LRBA: variants seen among roughly 807,000 people sequenced by gnomAD.
The protein encoded by LRBA is LPS responsive beige-like anchor protein.
A neutral mutation model predicts 330.0 loss-of-function variants in LRBA; 176 were observed. That is an observed-to-expected ratio of 0.53 (90% CI 0.47 to 0.60). LRBA has a LOEUF of 0.60. Among genes scored for constraint, LRBA ranks in the 20% least tolerant of loss-of-function variants. The pLI is 0.00. For missense variants in LRBA, 3,259 were observed against 3,444.8 expected (o/e 0.95, Z 1.35); for synonymous variants, 1,230 against 1,193.0 (o/e 1.03, Z -0.64).
At chr4:150,926,653 A>G (rs552725270) in intron 4 of LRBA, among the ~76,000 whole-genome samples, 1 of 152,354 alleles carries the variant, frequency 6.6e-6, no homozygotes, top group Non-Finnish European at 1.5e-5. Flanking sequence ...ACTGACCTAG[A>G]AAATGACATT....
intron 47 of LRBA, among the ~76,000 whole-genome samples, chr4:150,379,045 G>A (rs947472514): frequency 6.6e-6 from 1 of 152,052 alleles, no homozygotes; most frequent in Admixed American, 6.6e-5. Context: ...CATGCCGCCT[G>A]TAATACCAGC....
At chr4:150,785,715 A>G (rs1738955103) in intron 34 of LRBA, among the ~76,000 whole-genome samples, 1 of 152,082 alleles carries the variant, frequency 6.6e-6, no homozygotes, top group African/African-American at 2.4e-5. Context: ...ACTTGACCAG[A>G]AAAAAAAGGT....
intron 47 of LRBA, among the ~76,000 whole-genome samples, chr4:150,354,932 A>ATG (rs932478942): frequency 6.5e-4 from 98 of 151,440 alleles, no homozygotes; most frequent in East Asian, 2.3e-3. Context: ...TAATTACAAT[A>ATG]TGTGTGTGTG....
At chr4:150,642,020 T>C (rs1345733008) in intron 37 of LRBA, among the ~76,000 whole-genome samples, 1 of 152,078 alleles carries the variant, frequency 6.6e-6, no homozygotes, top group East Asian at 1.9e-4. Flanking sequence ...CTGAGTCAAA[T>C]TTAATTTACA....
At chr4:150,603,176 G>A (rs1774293277) in intron 37 of LRBA, among the ~76,000 whole-genome samples, 1 of 152,144 alleles carries the variant, frequency 6.6e-6, no homozygotes, top group Non-Finnish European at 1.5e-5. Context: ...CTCCTCTTAG[G>A]ACACAATCTC....
At chr4:150,898,522 C>A (rs907119440) in intron 14 of LRBA, among the ~76,000 whole-genome samples, 1 of 151,918 alleles carries the variant, frequency 6.6e-6, no homozygotes, top group African/African-American at 2.4e-5. Flanking sequence ...ATAATTTTTC[C>A]ACCACTAATC....
Position 150,265,782 on chromosome 4 carries a change from G to A in LRBA, c.8499C>T (p.Ser2833=). The A allele has an allele frequency of 1.2e-6, 2 of 1,613,304 alleles. No homozygotes were observed. Among genetic ancestry groups the A allele is most frequent in the South Asian group, 2.2e-5 (2 of 91,052 alleles). The change falls in exon 57 of 57, where the codon AGC becomes AGT. Residue 2833 remains serine (S), a synonymous_variant. Transcript: ENST00000651943. The part of the protein sequence containing the change: ...RCIISGMASG[S]IVLFYNDFNR... ...TAAAGTCGTTGTAAAATAGCACAAT[G>A]CTTCCTGAAGCCATGCCAGAAATGA... is the stretch of plus-strand genomic sequence containing the variant.
intron 37 of LRBA, among the ~76,000 whole-genome samples, chr4:150,621,128 T>C (rs1299539098): frequency 1.3e-5 from 2 of 150,896 alleles, no homozygotes; most frequent in Non-Finnish European, 3.0e-5. Flanking sequence ...GGATAAAGAG[T>C]GCAAAAGATT....
Position 150,900,031 on chromosome 4 carries a change from CA to C in LRBA, c.1924+17del. ...ATTTGCATTTGTGTAAAGTAATATA[CA>C]GACAGAAATTATATACCTAATCCTT... is the stretch of plus-strand genomic sequence containing the variant. On this transcript the variant is annotated intron_variant, in intron 14 of 56. Coordinates refer to ENST00000651943, the MANE Select transcript of LRBA (RefSeq NM_001364905.1). 2 of 1,584,980 alleles carry C rather than the reference CA, an allele frequency of 1.3e-6. No individual in the cohort carries two copies. Among genetic ancestry groups the C allele is most frequent in the Non-Finnish European group, 1.7e-6 (2 of 1,158,876 alleles).
intron 40 of LRBA, among the ~76,000 whole-genome samples, chr4:150,526,829 T>C (rs1008035179): frequency 2.0e-5 from 3 of 152,098 alleles, no homozygotes; most frequent in Non-Finnish European, 2.9e-5. Flanking sequence ...CATTATCATG[T>C]ATAACAAAAT....
chr4:150,959,923 T>C (rs1737953349), intron 2 of LRBA, among the ~76,000 whole-genome samples: 1 of 146,270 alleles, frequency 6.8e-6, no homozygotes, highest in Non-Finnish European at 1.5e-5. Flanking sequence ...ATACATACTT[T>C]TTTTTTTTTT....
At chr4:150,579,771 G>A (rs1286915497) in intron 40 of LRBA, 1 of 454,454 alleles carries the variant, frequency 2.2e-6, no homozygotes, top group Non-Finnish European at 4.4e-6. Context: ...CGCGGCGGCG[G>A]AGCCATGCGA....
intron 40 of LRBA, among the ~76,000 whole-genome samples, chr4:150,573,586 C>G (rs1770149350): frequency 6.6e-6 from 1 of 152,144 alleles, no homozygotes; most frequent in Non-Finnish European, 1.5e-5. Context: ...AATATGCTAT[C>G]TTTTCTTGCC....
intron 40 of LRBA, among the ~76,000 whole-genome samples, chr4:150,550,873 T>C (rs1766498867): frequency 6.6e-6 from 1 of 152,238 alleles, no homozygotes; most frequent in Admixed American, 6.5e-5. Context: ...ATTACTCAAA[T>C]TTTGTATAAC....
rs550819676 is a variant in LRBA at position 150,991,854 on chromosome 4, T to C, written c.216+22573A>G. Among the ~76,000 whole-genome samples, 32 of 152,328 alleles carry C rather than the reference T, an allele frequency of 2.1e-4. No homozygotes were observed. In the South Asian group the frequency reaches 6.0e-3, roughly 29 times the overall value. ...AGATGACAAAGATGTAATCTCTGCC[T>C]TCAAGCTCATGATCTAATGAGAGAA... On this transcript the variant is annotated intron_variant, in intron 2 of 56. Transcript: ENST00000651943.
intron 37 of LRBA, chr4:150,679,489 T>A (rs1434381053): frequency 6.6e-6 from 1 of 152,226 alleles, no homozygotes; most frequent in Non-Finnish European, 1.5e-5. Flanking sequence ...GCATTGATTT[T>A]TTTTTATAAC....
chr4:150,705,610 T>C (rs1469578172), intron 36 of LRBA, among the ~76,000 whole-genome samples: 1 of 151,950 alleles, frequency 6.6e-6, no homozygotes, highest in East Asian at 1.9e-4. Flanking sequence ...CATTAGCAGA[T>C]ACAATCTGGC....
At chr4:151,010,665 T>A (rs1479772472) in intron 2 of LRBA, among the ~76,000 whole-genome samples, 1 of 151,682 alleles carries the variant, frequency 6.6e-6, no homozygotes, top group Non-Finnish European at 1.5e-5. Context: ...GCAGATCACC[T>A]GAGGTCGGGA....
chr4:150,743,055 C>A (rs1732231810), intron 35 of LRBA, among the ~76,000 whole-genome samples: 1 of 152,180 alleles, frequency 6.6e-6, no homozygotes, highest in African/African-American at 2.4e-5. Flanking sequence ...GCAACCTCCG[C>A]TCCCTGGGTA....
Sources: gnomAD v4.1 joint callset for allele counts (sites outside exome capture counted in the v4.1 genomes callset) on GRCh38, gnomAD v4.1.1 for gene constraint, MANE v1.5 for transcripts, NCBI Gene and HGNC (gene_info 2026-07-23, HGNC 2026-07-21) for gene names.